ASAP1: variants seen among roughly 807,000 people sequenced by gnomAD.
ASAP1 encodes arf-GAP with SH3 domain, ANK repeat and PH domain-containing protein 1.
In ASAP1, 43 loss-of-function variants were observed where a neutral mutation model predicts 145.2. The ratio of observed to expected loss-of-function variants is 0.30; its 90% CI spans 0.23 to 0.38. The LOEUF (loss-of-function observed/expected upper bound fraction) is 0.38, where lower values mean the gene tolerates loss of function less well. Among genes scored for constraint, ASAP1 ranks in the 10% least tolerant of loss-of-function variants. ASAP1 has a pLI of 1.00. For synonymous variants in ASAP1, 546 were observed against 515.5 expected, an observed-to-expected ratio of 1.06 and a Z score of -0.80; for missense variants, 1,018 against 1,355.3, an observed-to-expected ratio of 0.75 and a Z score of 3.91.
rs746290323 is a variant in ASAP1 at position 130,115,577 on chromosome 8, T to C, written c.2172+51A>G. On this transcript the variant is annotated intron_variant, in intron 23 of 29. Coordinates refer to ENST00000518721, the MANE Select transcript of ASAP1 (RefSeq NM_018482.4). Reference sequence around the variant, plus strand: ...AAAAATGGATCTTGTCTACACAGACTAGAAAAGTTGGGGTAGTTGTTGAGA... The same window carrying C: ...AAAAATGGATCTTGTCTACACAGACCAGAAAAGTTGGGGTAGTTGTTGAGA... The C allele has an allele frequency of 4.3e-6, 6 of 1,390,024 alleles. No homozygotes were observed. The East Asian group carries it at 1.4e-4, about 32-fold the overall frequency. The allele number at this position is 1,390,024 out of a possible 1,614,324, so 86.1% of individuals were successfully genotyped here.
At position 130,125,941 on chromosome 8, in the gene ASAP1, C is replaced by T. The variant is rs967188310; in HGVS notation, c.1515+15G>A. The T allele has an allele frequency of 1.9e-6, 3 of 1,595,418 alleles. No individual in the cohort carries two copies. The highest frequency in any genetic ancestry group is 1.4e-5 in the African/African-American group (1 of 73,704). On this transcript the variant is annotated intron_variant, in intron 17 of 29. Coordinates refer to ENST00000518721, the MANE Select transcript of ASAP1 (RefSeq NM_018482.4). ...ACAATAATATCATTCTTCCCAAGTA[C>T]AGGTCACTACTTACCAAGAGTTCAG...
At chr8:130,367,251 G>T (rs892652818) in intron 2 of ASAP1, among the ~76,000 whole-genome samples, 2 of 152,060 alleles carry the variant, frequency 1.3e-5, no homozygotes, top group Admixed American at 6.6e-5. Context: ...CTGTCATCAA[G>T]GAGCTCATAT....
chr8:130,126,453 T>C (rs373774615), intron 16 of ASAP1, among the ~76,000 whole-genome samples: 7 of 152,232 alleles, frequency 4.6e-5, no homozygotes, highest in East Asian at 3.9e-4. Flanking sequence ...TCTATAGCCA[T>C]CATTAACCTC....
chr8:130,188,035 C>G, intron 6 of ASAP1, 74 bp downstream of exon 6: 1 of 1,063,076 alleles, frequency 9.4e-7, no homozygotes, highest in Non-Finnish European at 1.4e-6. Context: ...ACAAGTACTA[C>G]TATGATCTTG....
At chr8:130,268,137 T>C (rs1820366796) in intron 3 of ASAP1, among the ~76,000 whole-genome samples, 1 of 152,050 alleles carries the variant, frequency 6.6e-6, no homozygotes, top group African/African-American at 2.4e-5. Context: ...ACAGAAATGA[T>C]TTAGTAAATT....
At chr8:130,153,614 C>T (rs1185931621) in intron 12 of ASAP1, among the ~76,000 whole-genome samples, 4 of 150,388 alleles carry the variant, frequency 2.7e-5, no homozygotes, top group East Asian at 2.0e-4. Flanking sequence ...GCAATCTGCC[C>T]GCCTCGCCCT....
chr8:130,321,147 T>C (rs149618742), intron 3 of ASAP1, among the ~76,000 whole-genome samples: 1 of 152,178 alleles, frequency 6.6e-6, no homozygotes, highest in Non-Finnish European at 1.5e-5. Flanking sequence ...TAATTAAATC[T>C]TCCAAAAGGC....
chr8:130,217,319 T>C (rs892726305), intron 4 of ASAP1, among the ~76,000 whole-genome samples: 2 of 152,154 alleles, frequency 1.3e-5, no homozygotes, highest in African/African-American at 4.8e-5. Flanking sequence ...TTGGTTTTTT[T>C]TGGTCATATT....
chr8:130,303,828 T>A (rs145254931), intron 3 of ASAP1, among the ~76,000 whole-genome samples: 4 of 152,270 alleles, frequency 2.6e-5, no homozygotes, highest in African/African-American at 7.2e-5. Flanking sequence ...CTAAAACTAC[T>A]CTGATACAGT....
At chr8:130,170,284 A>G (rs564479738) in intron 9 of ASAP1, among the ~76,000 whole-genome samples, 13 of 151,970 alleles carry the variant, frequency 8.6e-5, no homozygotes, top group African/African-American at 2.9e-4. Flanking sequence ...CCTCCCAGGT[A>G]GCTGGGACTA....
rs570821847 is a variant in ASAP1, at chr8:130,182,196, C to G, written c.531-1316G>C. 4.6e-5 allele frequency among the ~76,000 whole-genome samples: 7 copies of G among 152,258 alleles called. No homozygotes were observed. The South Asian group carries it at 8.3e-4, about 18-fold the overall frequency. On this transcript the variant is annotated intron_variant, in intron 7 of 29. Coordinates refer to ENST00000518721, the MANE Select transcript of ASAP1 (RefSeq NM_018482.4). ...GGGACAGGCATAACTTAATAATAAGCCTTTCAATTTACCATGGTGACTTAA... is the reference window on the plus strand; with the variant it reads ...GGGACAGGCATAACTTAATAATAAGGCTTTCAATTTACCATGGTGACTTAA...
intron 1 of ASAP1, among the ~76,000 whole-genome samples, chr8:130,418,364 A>G (rs1032130778): frequency 5.3e-5 from 8 of 152,144 alleles, no homozygotes; most frequent in Non-Finnish European, 8.8e-5. Context: ...CCTGACCAAC[A>G]TGGTGAAACC....
At chr8:130,206,009 ATTT>A (rs1165344312) in intron 5 of ASAP1, among the ~76,000 whole-genome samples, 3 of 152,296 alleles carry the variant, frequency 2.0e-5, no homozygotes, top group East Asian at 1.9e-4. Flanking sequence ...TAGAATTATA[ATTT>A]TTATTTTAAA....
chr8:130,286,861 C>T (rs1047685720), intron 3 of ASAP1, among the ~76,000 whole-genome samples: 1 of 152,152 alleles, frequency 6.6e-6, no homozygotes. Context: ...TTCACACCCA[C>T]AGGGAACATT....
intron 1 of ASAP1, among the ~76,000 whole-genome samples, chr8:130,404,475 T>G (rs915136640): frequency 6.6e-6 from 1 of 152,242 alleles, no homozygotes; most frequent in African/African-American, 2.4e-5. Flanking sequence ...AAGATCATGA[T>G]CTTCCTATAA....
chr8:130,353,421 C>A (rs893040402), intron 3 of ASAP1, among the ~76,000 whole-genome samples: 1 of 152,164 alleles, frequency 6.6e-6, no homozygotes, highest in Admixed American at 6.5e-5. Context: ...CATGAAGAAA[C>A]ACTAAGCCTC....
intron 4 of ASAP1, among the ~76,000 whole-genome samples, chr8:130,219,019 A>C (rs1817118588): frequency 6.6e-6 from 1 of 152,132 alleles, no homozygotes; most frequent in African/African-American, 2.4e-5. Flanking sequence ...AATAATAATC[A>C]TAATCCTATG....
intron 18 of ASAP1, among the ~76,000 whole-genome samples, chr8:130,119,133 C>T (rs1020180807): frequency 3.3e-5 from 5 of 152,232 alleles, no homozygotes; most frequent in Admixed American, 1.3e-4. Flanking sequence ...TTAAAAGGAT[C>T]GGGTCTCGCT....
At chr8:130,404,559 T>A (rs1828940602) in intron 1 of ASAP1, among the ~76,000 whole-genome samples, 1 of 152,214 alleles carries the variant, frequency 6.6e-6, no homozygotes, top group African/African-American at 2.4e-5. Context: ...GCATACATAG[T>A]CAATGCCTCT....
Sources: gnomAD v4.1 joint callset for allele counts (sites outside exome capture counted in the v4.1 genomes callset) on GRCh38, gnomAD v4.1.1 for gene constraint, MANE v1.5 for transcripts, NCBI Gene and HGNC (gene_info 2026-07-23, HGNC 2026-07-21) for gene names.